The following ANGPT1 variants were observed in gnomAD, a reference collection of about 807,000 sequenced individuals.
ANGPT1 encodes angiopoietin-1.
In ANGPT1, 17 loss-of-function variants were observed where a neutral mutation model predicts 62.2. The ratio of observed to expected loss-of-function variants is 0.27; its 90% CI spans 0.19 to 0.41. The LOEUF is 0.41. Ranked by LOEUF, ANGPT1 falls within the 10% of genes least tolerant of loss-of-function variation. ANGPT1 has a pLI of 1.00. For missense variants in ANGPT1, 478 were observed against 594.9 expected (o/e 0.80, Z 2.04); for synonymous variants, 199 against 198.9 (o/e 1.00, Z 0.00).
chr8:107,435,516 G>C (rs1331344744), intron 1 of ANGPT1, among the ~76,000 whole-genome samples: 1 of 152,162 alleles, frequency 6.6e-6, no homozygotes, highest in African/African-American at 2.4e-5. Flanking sequence ...CAAACTTCCG[G>C]GGAGTGTCAT....
intron 7 of ANGPT1, among the ~76,000 whole-genome samples, chr8:107,275,593 TC>T (rs1387635980): frequency 6.6e-6 from 1 of 152,160 alleles, no homozygotes; most frequent in Non-Finnish European, 1.5e-5. Flanking sequence ...TCTGCAACCA[TC>T]CGACCCCACT....
At chr8:107,260,509 G>C (rs1222706000) in intron 8 of ANGPT1, among the ~76,000 whole-genome samples, 1 of 152,034 alleles carries the variant, frequency 6.6e-6, no homozygotes, top group Admixed American at 6.6e-5. Context: ...ATCATTAGAT[G>C]AGGAAAATGG....
At chr8:107,438,223 A>G (rs1811380596) in intron 1 of ANGPT1, among the ~76,000 whole-genome samples, 1 of 152,152 alleles carries the variant, frequency 6.6e-6, no homozygotes, top group Non-Finnish European at 1.5e-5. Context: ...CTTTAGCATT[A>G]TGATTATTTC....
chr8:107,370,720 A>T, intron 1 of ANGPT1, among the ~76,000 whole-genome samples: 1 of 146,630 alleles, frequency 6.8e-6, no homozygotes, highest in South Asian at 2.2e-4. Flanking sequence ...AAAAAAAAAA[A>T]AAGAGGAAGA....
chr8:107,392,191 T>C (rs1386001094), intron 1 of ANGPT1, among the ~76,000 whole-genome samples: 2 of 152,212 alleles, frequency 1.3e-5, no homozygotes, highest in South Asian at 2.1e-4. Context: ...GATAATCTTG[T>C]ATATAATTAT....
At chr8:107,302,457 T>C (rs1465659583) in intron 5 of ANGPT1, among the ~76,000 whole-genome samples, 1 of 151,924 alleles carries the variant, frequency 6.6e-6, no homozygotes, top group African/African-American at 2.4e-5. Flanking sequence ...CACAGACCAT[T>C]TCTATCACTA....
intron 6 of ANGPT1, among the ~76,000 whole-genome samples, chr8:107,289,497 A>G (rs979136413): frequency 3.9e-5 from 6 of 152,178 alleles, no homozygotes; most frequent in African/African-American, 1.4e-4. Flanking sequence ...TAAAAAACAG[A>G]TAAGACAGCG....
chr8:107,397,003 AG>A (rs1194736911), intron 1 of ANGPT1, among the ~76,000 whole-genome samples: 1 of 152,120 alleles, frequency 6.6e-6, no homozygotes, highest in Non-Finnish European at 1.5e-5. Context: ...GAAAGAAGAA[AG>A]GGATGCTGGG....
At chr8:107,380,286 G>A (rs2130270981) in intron 1 of ANGPT1, among the ~76,000 whole-genome samples, 1 of 151,950 alleles carries the variant, frequency 6.6e-6, no homozygotes, top group East Asian at 1.9e-4. Context: ...GCAGTTAAAG[G>A]CTACATGATA....
rs572380776 is a variant in ANGPT1, at chr8:107,336,462, G to A, written c.454-191C>T. On this transcript the variant is annotated intron_variant, in intron 2 of 8. Transcript: ENST00000517746. Reference sequence around the variant, plus strand: ...GGGTGGATCACGAGGTCAAGAGATCGAGACCATCCTGGCAAACATGGTGAA... The same window carrying A: ...GGGTGGATCACGAGGTCAAGAGATCAAGACCATCCTGGCAAACATGGTGAA... The A allele has an allele frequency of 4.3e-5, 34 of 787,900 alleles. No individual in the cohort carries two copies. The East Asian group carries it at 2.1e-3, about 49-fold the overall frequency. 48.8% of individuals were successfully genotyped at this position (787,900 alleles called of 1,614,324 possible).
At position 107,362,259 on chromosome 8, in the gene ANGPT1, C is replaced by T. The variant is rs970969465; in HGVS notation, c.298-15162G>A. Among the ~76,000 whole-genome samples, 6 of 152,016 alleles carry T rather than the reference C, an allele frequency of 3.9e-5. No individual in the cohort carries two copies. The South Asian group carries it at 1.2e-3, about 31-fold the overall frequency. On this transcript the variant is annotated intron_variant, in intron 1 of 8. Coordinates refer to ENST00000517746, the MANE Select transcript of ANGPT1 (RefSeq NM_001146.5). ...AAAAAGATGCAGTTCTTGCTTAGTCCCTGGCAAGTGAGAAAAACAAGTATA... is the reference window on the plus strand; with the variant it reads ...AAAAAGATGCAGTTCTTGCTTAGTCTCTGGCAAGTGAGAAAAACAAGTATA...
chr8:107,347,066 G>A lies in ANGPT1; in HGVS notation c.329C>T (p.Ser110Leu), dbSNP rs1266474637. 5.2e-5 allele frequency: 84 copies of A among 1,613,322 alleles called. No individual in the cohort carries two copies. The Admixed American group carries it at 5.7e-4, about 11-fold the overall frequency. The change falls in exon 2 of 9, where the codon TCG becomes TTG. Residue 110 changes from serine (S) to leucine (L), a missense_variant. Physicochemically the swap from Ser to Leu is moderately radical, Grantham distance 145. Coordinates refer to ENST00000517746, the MANE Select transcript of ANGPT1 (RefSeq NM_001146.5). ...ATTCTGCTGTATCTGGGCCATCTCC[G>A]ACTTCATGTTTTCCACAATGTAATT... ...LENYIVENMK[S>L]EMAQIQQNAV...
At chr8:107,465,839 T>C (rs969238342) in intron 1 of ANGPT1, among the ~76,000 whole-genome samples, 1 of 152,164 alleles carries the variant, frequency 6.6e-6, no homozygotes, top group African/African-American at 2.4e-5. Context: ...ATCACACCAC[T>C]TACCTAACTC....
At chr8:107,475,430 T>C (rs915121941) in intron 1 of ANGPT1, among the ~76,000 whole-genome samples, 16 of 152,126 alleles carry the variant, frequency 1.1e-4, no homozygotes, top group Admixed American at 7.9e-4. Flanking sequence ...TATACAAAAA[T>C]TAATTCAAGA....
intron 2 of ANGPT1, among the ~76,000 whole-genome samples, chr8:107,344,695 C>G (rs1371989337): frequency 6.6e-6 from 1 of 152,102 alleles, no homozygotes; most frequent in African/African-American, 2.4e-5. Context: ...TCATGAGTTC[C>G]TGAAATAAAC....
intron 1 of ANGPT1, among the ~76,000 whole-genome samples, chr8:107,408,604 A>G (rs1817198000): frequency 6.6e-6 from 1 of 152,164 alleles, no homozygotes; most frequent in African/African-American, 2.4e-5. Context: ...CAACTTCAGC[A>G]ATGAAAGATG....
intron 1 of ANGPT1, among the ~76,000 whole-genome samples, chr8:107,445,978 C>T (rs1298328705): frequency 6.6e-6 from 1 of 152,070 alleles, no homozygotes; most frequent in African/African-American, 2.4e-5. Flanking sequence ...AGTGCAGTGG[C>T]GCTATCTCGG....
At chr8:107,252,254 G>T (rs562668744) in intron 8 of ANGPT1, among the ~76,000 whole-genome samples, 3 of 152,250 alleles carry the variant, frequency 2.0e-5, no homozygotes, top group Admixed American at 2.0e-4. Flanking sequence ...GCAGCTTTCA[G>T]TGTGACTCCA....
rs1204031163 is a variant in ANGPT1 at position 107,393,209 on chromosome 8, T to TA, written c.298-46113dup. Among the ~76,000 whole-genome samples, 6 of 152,258 alleles carry TA rather than the reference T, an allele frequency of 3.9e-5. No individual in the cohort carries two copies. The South Asian group carries it at 1.0e-3, about 26-fold the overall frequency. On this transcript the variant is annotated intron_variant, in intron 1 of 8. Transcript: ENST00000517746. ...ACTATTTATTATAAGCATTATTTTT[T>TA]AAAAAACATCTGAGTGTGAACATTC...
Sources: gnomAD v4.1 joint callset for allele counts (sites outside exome capture counted in the v4.1 genomes callset) on GRCh38, gnomAD v4.1.1 for gene constraint, MANE v1.5 for transcripts, NCBI Gene and HGNC (gene_info 2026-07-23, HGNC 2026-07-21) for gene names.